SUPT6H: variants seen among roughly 807,000 people sequenced by gnomAD.
SUPT6H encodes transcription elongation factor SPT6.
Under a neutral mutation model 222.3 loss-of-function variants are expected in SUPT6H, and 11 were observed. That is an observed-to-expected ratio of 0.05 (90% confidence interval 0.03 to 0.08). SUPT6H has a LOEUF of 0.08. Among genes scored for constraint, SUPT6H ranks in the 10% least tolerant of loss-of-function variants. SUPT6H has a pLI of 1.00. For missense variants in SUPT6H, 1,422 were observed against 2,216.0 expected, an observed-to-expected ratio of 0.64 and a Z score of 7.19; for synonymous variants, 762 against 801.2, an observed-to-expected ratio of 0.95 and a Z score of 0.83.
chr17:28,698,480 C>G (rs2032014862), intron 32 of SUPT6H, among the ~76,000 whole-genome samples: 1 of 152,196 alleles, frequency 6.6e-6, no homozygotes, highest in Non-Finnish European at 1.5e-5. Context: ...TGCTCTGTCT[C>G]CTGCTCTGCC....
Position 28,697,664 on chromosome 17 carries a change from C to T in SUPT6H, c.4254C>T (p.Pro1418=), listed in dbSNP as rs1041966915. The T allele has an allele frequency of 1.2e-5, 19 of 1,614,206 alleles. No homozygotes were observed. Among genetic ancestry groups the T allele is most frequent in the Non-Finnish European group, 1.6e-5 (19 of 1,180,032 alleles). Residue 1418 remains proline, a synonymous_variant, in exon 31 of 37, where the codon CCC becomes CCT. Transcript: ENST00000314616. ...AGATTGTTGCTCGCTATGTCCAGCC[C>T]ATGGCATCCTTTGCCCGGGACCTTC... ...LDEIVARYVQ[P]MASFARDLLN...
rs146677116 is a variant in SUPT6H, at chr17:28,682,758, C to T, written c.1629C>T (p.Pro543=). Residue 543 remains proline (P), a synonymous_variant, in exon 14 of 37, where the codon CCC becomes CCT. Coordinates refer to ENST00000314616, the MANE Select transcript of SUPT6H (RefSeq NM_003170.5). ...DGLAKKFGLT[P]EQFGENLRDS... is the part of the protein sequence containing the mutation. Reference sequence around the variant, plus strand: ...TGGCCAAAAAGTTTGGGCTTACTCCCGAGCAGTTTGGGGAGAACCTGCGGG... The same window carrying T: ...TGGCCAAAAAGTTTGGGCTTACTCCTGAGCAGTTTGGGGAGAACCTGCGGG... The T allele has an allele frequency of 9.4e-4, 1,522 of 1,614,204 alleles. 13 individuals are homozygous for T. The highest frequency in any genetic ancestry group is 8.1e-3 in the Middle Eastern group (49 of 6,062).
chr17:28,700,073 C>T (rs1281115119), intron 33 of SUPT6H, 100 bp from the exon 34 acceptor site: 8 of 1,555,966 alleles, frequency 5.1e-6, no homozygotes, highest in African/African-American at 1.4e-5. Flanking sequence ...TGCAGCTTCC[C>T]TTCCTCCCTC....
chr17:28,697,718 C>G lies in SUPT6H; in HGVS notation c.4308C>G (p.Ser1436Arg). ...ATCACAAGTATTATCAGGACTGCAG[C>G]GGTGGGGACCGCAAGGTAAGCCCAG... ...LLNHKYYQDC[S>R]GGDRKKLEEL... The change falls in exon 31 of 37, where the codon AGC (serine) becomes AGG (arginine). Residue 1436 changes from serine (S) to arginine (R), a missense_variant. By Grantham distance (110) the Ser-to-Arg change is moderately radical. Around this residue, in one of 13 missense-constraint regions of SUPT6H, gnomAD observed 395 missense variants for 580.6 expected, o/e 0.68. Coordinates refer to ENST00000314616, the MANE Select transcript of SUPT6H (RefSeq NM_003170.5). 1 of 1,614,156 alleles carries G rather than the reference C, an allele frequency of 6.2e-7. No individual in the cohort carries two copies. Among genetic ancestry groups the G allele is most frequent in the Non-Finnish European group, 8.5e-7 (1 of 1,180,000 alleles).
At position 28,688,066 on chromosome 17, in the gene SUPT6H, G is replaced by A. The variant is rs1200469688; in HGVS notation, c.3007-25G>A. The A allele has an allele frequency of 6.3e-7, 1 of 1,588,248 alleles. No homozygotes were observed. The highest frequency in any genetic ancestry group is 8.6e-7 in the Non-Finnish European group (1 of 1,165,216). On this transcript the variant is annotated intron_variant, in intron 23 of 36. Coordinates refer to ENST00000314616, the MANE Select transcript of SUPT6H (RefSeq NM_003170.5). This position sits in a 1 kb window ranked among gnomAD's most constrained non-coding sequence, Gnocchi z 4.3. ...GGAGGTGGGGCCTGCTTACTGCCCT[G>A]GCTCAGTCCAGCTCTCTCCCCCAGA...
At chr17:28,683,942 T>C in intron 17 of SUPT6H, 126 bp downstream of exon 17, 2 of 802,220 alleles carry the variant, frequency 2.5e-6, no homozygotes, top group Non-Finnish European at 3.6e-6. Context: ...TTGATGCCAT[T>C]CTCCTGCCTC....
chr17:28,683,568 T>C, intron 16 of SUPT6H, 53 bp from the exon 17 acceptor site: 2 of 1,594,670 alleles, frequency 1.3e-6, no homozygotes, highest in Non-Finnish European at 1.7e-6. Context: ...TCATGGACAT[T>C]GGGTGTCACC....
intron 11 of SUPT6H, among the ~76,000 whole-genome samples, chr17:28,680,029 G>C (rs1452864363): frequency 6.7e-6 from 1 of 149,060 alleles, no homozygotes; most frequent in Non-Finnish European, 1.5e-5. Context: ...AGGAGGCCAG[G>C]CGCAGTGCCT....
At chr17:28,683,900 A>G (rs1178737679) in intron 17 of SUPT6H, 84 bp downstream of exon 17, 58 of 1,312,354 alleles carry the variant, frequency 4.4e-5, no homozygotes, top group East Asian at 7.6e-5. Flanking sequence ...CAGTGGCGCA[A>G]TCTTGGCTCA....
In SUPT6H at chr17:28,695,259, T is replaced by C; in HGVS notation, c.3775-93T>C. The C allele has an allele frequency of 3.7e-6, 5 of 1,362,922 alleles. No individual in the cohort carries two copies. The South Asian group carries it at 4.2e-5, about 12-fold the overall frequency. 84.4% of individuals were successfully genotyped at this position (1,362,922 alleles called of 1,614,324 possible). ...GGCAAGTCACTTTACACCTTACACCTTTCTGCCTGGACTTTGGTTTTCTCA... is the reference window on the plus strand; with the variant it reads ...GGCAAGTCACTTTACACCTTACACCCTTCTGCCTGGACTTTGGTTTTCTCA... On this transcript the variant is annotated intron_variant, in intron 28 of 36. Transcript: ENST00000314616.
chr17:28,701,259 C>G, intron 36 of SUPT6H, 131 bp downstream of exon 36: 1 of 1,410,134 alleles, frequency 7.1e-7, no homozygotes, highest in Admixed American at 2.2e-5. Context: ...GCCAGGAACA[C>G]TAGTTTCTGG....
intron 21 of SUPT6H, 69 bp from the exon 22 acceptor site, chr17:28,687,019 G>A (rs1215772437): frequency 4.4e-6 from 7 of 1,582,040 alleles, no homozygotes; most frequent in Non-Finnish European, 6.0e-6. Context: ...AACCAGAATG[G>A]TTTGGATTTC....
chr17:28,686,587 C>T (rs374729329), intron 20 of SUPT6H, 67 bp from the exon 21 acceptor site: 5 of 1,548,538 alleles, frequency 3.2e-6, no homozygotes, highest in Non-Finnish European at 4.4e-6. Flanking sequence ...CTCTTCACCC[C>T]CAAGGCAGTC....
intron 1 of SUPT6H, chr17:28,672,686 T>C (rs2030496308): frequency 6.6e-6 from 1 of 151,598 alleles, no homozygotes; most frequent in Non-Finnish European, 1.5e-5. Flanking sequence ...AGTGCTGGGG[T>C]TATAGGAGTG....
At chr17:28,698,173 A>G in intron 32 of SUPT6H, 143 bp downstream of exon 32, 1 of 1,220,310 alleles carries the variant, frequency 8.2e-7, no homozygotes, top group South Asian at 1.7e-5. Flanking sequence ...TGGAGGTTGG[A>G]GGTGGGAAAA....
chr17:28,662,215 C>T lies in SUPT6H; in HGVS notation c.-159C>T. On this transcript the variant is annotated 5_prime_UTR_variant, in exon 1 of 37. Coordinates refer to ENST00000314616, the MANE Select transcript of SUPT6H (RefSeq NM_003170.5). ...GAAATGACGTAGCACGTTGACGCAG[C>T]AGCGGCGGCGGTGGCGGCGGAGGGG... The T allele has an allele frequency of 4.4e-6, 1 of 229,396 alleles. No individual in the cohort carries two copies. The highest frequency in any genetic ancestry group is 8.8e-6 in the Non-Finnish European group (1 of 113,810). 14.2% of individuals were successfully genotyped at this position (229,396 alleles called of 1,614,324 possible).
At chr17:28,699,934 G>A (rs773701297) in intron 33 of SUPT6H, 41 bp downstream of exon 33, 2 of 1,575,952 alleles carry the variant, frequency 1.3e-6, no homozygotes, top group South Asian at 2.2e-5. Flanking sequence ...GTGGCTGGAG[G>A]AACACCTAGG....
At chr17:28,662,896 T>G (rs1397049167) in intron 1 of SUPT6H, among the ~76,000 whole-genome samples, 1 of 152,240 alleles carries the variant, frequency 6.6e-6, no homozygotes, top group Non-Finnish European at 1.5e-5. Context: ...TATAGATTCA[T>G]TTCCTCAAAC....
intron 32 of SUPT6H, among the ~76,000 whole-genome samples, chr17:28,699,359 A>T (rs946025756): frequency 6.6e-6 from 1 of 152,222 alleles, no homozygotes; most frequent in African/African-American, 2.4e-5. Flanking sequence ...TGCTACTCTC[A>T]GAAGTGTTGA....
Sources: allele counts gnomAD v4.1 joint callset (sites outside exome capture counted in the v4.1 genomes callset), GRCh38; gene constraint gnomAD v4.1.1; regional missense constraint gnomAD v4.1.1; non-coding constraint Gnocchi (gnomAD v3.1); transcripts MANE v1.5; gene names NCBI Gene and HGNC (gene_info 2026-07-23, HGNC 2026-07-21).